The following GRIP1 variants were observed in gnomAD, a reference collection of about 807,000 sequenced individuals.
GRIP1 encodes glutamate receptor-interacting protein 1.
In GRIP1, 45 loss-of-function variants were observed where a neutral mutation model predicts 129.9. The observed-to-expected ratio is 0.35, with a 90% CI of 0.27 to 0.44. GRIP1 has a LOEUF of 0.44. Among genes scored for constraint, GRIP1 ranks in the 20% least tolerant of loss-of-function variants. GRIP1 has a pLI of 1.00. For synonymous variants in GRIP1, 530 were observed against 520.8 expected, an observed-to-expected ratio of 1.02 and a Z score of -0.24; for missense variants, 1,196 against 1,396.8, an observed-to-expected ratio of 0.86 and a Z score of 2.29.
At chr12:66,844,268 A>AT (rs2039773874) in intron 1 of GRIP1, among the ~76,000 whole-genome samples, 1 of 152,168 alleles carries the variant, frequency 6.6e-6, no homozygotes, top group Admixed American at 6.5e-5. Context: ...AAACAACCTG[A>AT]TTTTAAATGG....
intron 1 of GRIP1, among the ~76,000 whole-genome samples, chr12:66,797,496 C>T (rs915090541): frequency 5.3e-5 from 8 of 152,110 alleles, no homozygotes; most frequent in Admixed American, 4.6e-4. Flanking sequence ...CATACTGACC[C>T]AGGTGATTCA....
intron 1 of GRIP1, among the ~76,000 whole-genome samples, chr12:66,834,233 A>C (rs1244371876): frequency 6.6e-6 from 1 of 151,742 alleles, no homozygotes; most frequent in East Asian, 1.9e-4. Context: ...CCTCATACAG[A>C]CTAATGAGTT....
At chr12:66,956,740 T>C (rs1415691565) in intron 1 of GRIP1, among the ~76,000 whole-genome samples, 4 of 152,168 alleles carry the variant, frequency 2.6e-5, no homozygotes, top group African/African-American at 9.7e-5. Flanking sequence ...TAGGGAATGG[T>C]ATTTAGAAAC....
intron 7 of GRIP1, among the ~76,000 whole-genome samples, chr12:66,502,348 C>T (rs2060415826): frequency 1.3e-5 from 2 of 152,200 alleles, no homozygotes; most frequent in Admixed American, 6.5e-5. Flanking sequence ...ATCAACTACT[C>T]ATCACCATGG....
intron 1 of GRIP1, among the ~76,000 whole-genome samples, chr12:66,612,033 AT>A (rs1395350585): frequency 1.3e-5 from 2 of 152,144 alleles, no homozygotes; most frequent in East Asian, 1.9e-4. Flanking sequence ...CTAAGCTTCA[AT>A]TTTTTTCATC....
intron 4 of GRIP1, among the ~76,000 whole-genome samples, chr12:66,532,382 A>G (rs2061486193): frequency 6.6e-6 from 1 of 152,156 alleles, no homozygotes; most frequent in African/African-American, 2.4e-5. Context: ...CAATGCAAAA[A>G]TTCTCCTCGG....
chr12:66,444,169 C>CA (rs1444985174), intron 13 of GRIP1, among the ~76,000 whole-genome samples: 3 of 152,164 alleles, frequency 2.0e-5, no homozygotes, highest in Admixed American at 6.5e-5. Context: ...ACCTCCTAAA[C>CA]AAAAGCAGGT....
intron 1 of GRIP1, among the ~76,000 whole-genome samples, chr12:66,985,401 CAATA>C (rs1221904987): frequency 1.3e-5 from 2 of 151,998 alleles, no homozygotes; most frequent in Non-Finnish European, 2.9e-5. Context: ...AGAACCTACA[CAATA>C]AATAAATAAA....
intron 15 of GRIP1, among the ~76,000 whole-genome samples, chr12:66,420,461 G>T (rs1212353875): frequency 1.4e-5 from 2 of 141,246 alleles, no homozygotes; most frequent in African/African-American, 5.4e-5. Context: ...AAGCTGACCA[G>T]TGAAGGAGAG....
intron 1 of GRIP1, among the ~76,000 whole-genome samples, chr12:66,894,042 T>C (rs2040704927): frequency 6.6e-6 from 1 of 152,168 alleles, no homozygotes; most frequent in Admixed American, 6.6e-5. Flanking sequence ...TCAGGGCCTG[T>C]GTACTTGCTG....
chr12:66,919,485 T>C (rs1314661318), intron 1 of GRIP1, among the ~76,000 whole-genome samples: 1 of 152,202 alleles, frequency 6.6e-6, no homozygotes, highest in South Asian at 2.1e-4. Context: ...TGCAAATTCT[T>C]TCTCTGCAAC....
chr12:66,608,826 G>A (rs1392146835), intron 1 of GRIP1, among the ~76,000 whole-genome samples: 2 of 152,016 alleles, frequency 1.3e-5, no homozygotes, highest in Non-Finnish European at 2.9e-5. Context: ...AAAGTACCCA[G>A]AGTGGTCTGA....
chr12:66,427,023 G>C (rs1012203914), intron 14 of GRIP1, among the ~76,000 whole-genome samples: 10 of 152,084 alleles, frequency 6.6e-5, no homozygotes, highest in Admixed American at 6.6e-4. Flanking sequence ...AGTCGGAGAA[G>C]GCATCTAAAG....
At chr12:66,863,016 A>G (rs1822230596) in intron 1 of GRIP1, among the ~76,000 whole-genome samples, 1 of 152,058 alleles carries the variant, frequency 6.6e-6, no homozygotes, top group Non-Finnish European at 1.5e-5. Context: ...ATGATAACGT[A>G]GCATCTGATT....
intron 1 of GRIP1, among the ~76,000 whole-genome samples, chr12:66,930,473 A>G (rs2041376069): frequency 6.6e-6 from 1 of 150,992 alleles, no homozygotes; most frequent in African/African-American, 2.4e-5. Flanking sequence ...TCCATGGTGT[A>G]TATGTGCCAC....
At chr12:67,004,236 C>T (rs148123778) in intron 1 of GRIP1, among the ~76,000 whole-genome samples, 75 of 152,182 alleles carry the variant, frequency 4.9e-4, no homozygotes, top group African/African-American at 1.6e-3. Context: ...GAGTACAGTA[C>T]GACACTTAAA....
At chr12:67,016,598 C>G (rs1212875364) in intron 1 of GRIP1, among the ~76,000 whole-genome samples, 3 of 152,002 alleles carry the variant, frequency 2.0e-5, no homozygotes, top group East Asian at 1.9e-4. Context: ...TGCTGTCCCC[C>G]CACTTTATCT....
intron 1 of GRIP1, among the ~76,000 whole-genome samples, chr12:66,730,587 T>C (rs908017046): frequency 5.3e-5 from 8 of 150,358 alleles, no homozygotes; most frequent in Non-Finnish European, 1.2e-4. Context: ...TTCTTAAAGG[T>C]AAGTTACCCA....
chr12:66,889,793 C>A (rs1254398226), intron 1 of GRIP1, among the ~76,000 whole-genome samples: 1 of 152,184 alleles, frequency 6.6e-6, no homozygotes, highest in Non-Finnish European at 1.5e-5. Context: ...GAATTTGGAG[C>A]TACATTTCTA....
Sources: gnomAD v4.1 joint callset for allele counts (sites outside exome capture counted in the v4.1 genomes callset) on GRCh38, gnomAD v4.1.1 for gene constraint, MANE v1.5 for transcripts, NCBI Gene and HGNC (gene_info 2026-07-23, HGNC 2026-07-21) for gene names.